PPIL3: variants seen among roughly 807,000 people sequenced by gnomAD.
PPIL3 encodes peptidyl-prolyl cis-trans isomerase-like 3.
PPIL3 carries 13 observed loss-of-function variants against 20.9 expected under a neutral mutation model. That is an observed-to-expected ratio of 0.62 (90% CI 0.40 to 0.99). The LOEUF is 0.99. Among genes scored for constraint, PPIL3 ranks in the 50% least tolerant of loss-of-function variants. PPIL3 has a pLI of 0.00. For missense variants in PPIL3, 170 were observed against 195.2 expected, an observed-to-expected ratio of 0.87 and a Z score of 0.77; for synonymous variants, 71 against 64.4, an observed-to-expected ratio of 1.10 and a Z score of -0.49.
intron 6 of PPIL3, among the ~76,000 whole-genome samples, chr2:200,876,561 A>G (rs2105764183): frequency 7.1e-6 from 1 of 140,596 alleles, no homozygotes; most frequent in South Asian, 2.2e-4. Flanking sequence ...TCTGTCGCCC[A>G]GGCTGGAGTG....
In PPIL3 at chr2:200,882,343, T is replaced by G. The variant is rs752949541; in HGVS notation, c.171A>C (p.Thr57=). The G allele has an allele frequency of 5.1e-6, 8 of 1,566,718 alleles. No homozygotes were observed. The highest frequency in any genetic ancestry group is 1.1e-5 in the South Asian group (1 of 90,086). Reference sequence around the variant, plus strand: ...ATCTTGGTTAATGGAATAACTTACCTGTTGGATCTCCTGTTTGAACCATGA... The same window carrying G: ...ATCTTGGTTAATGGAATAACTTACCGGTTGGATCTCCTGTTTGAACCATGA... ...KGFMVQTGDP[T]GTGRGGNSIW... Residue 57 remains threonine, a splice_region_variant and synonymous_variant, in exon 4 of 7, where the codon ACA becomes ACC. Coordinates refer to ENST00000392283, the MANE Select transcript of PPIL3 (RefSeq NM_130906.3).
At chr2:200,888,334 CAATCCTACACAG>C (rs1385905790) in intron 1 of PPIL3, 2 of 152,150 alleles carry the variant, frequency 1.3e-5, no homozygotes, top group Non-Finnish European at 2.9e-5. Context: ...ACTGACCTGA[CAATCCTACACAG>C]AACTGCTTTA....
intron 5 of PPIL3, among the ~76,000 whole-genome samples, chr2:200,877,300 A>G (rs1283131143): frequency 6.6e-6 from 1 of 152,208 alleles, no homozygotes; most frequent in Non-Finnish European, 1.5e-5. Context: ...TAAGGGAGCA[A>G]GAAAACATTT....
Position 200,874,005 on chromosome 2 carries a change from A to G in PPIL3, c.360-2484T>C, listed in dbSNP as rs189716934. Among the ~76,000 whole-genome samples the G allele has an allele frequency of 6.6e-3, 997 of 151,464 alleles. 4 individuals carry two copies. The highest frequency in any genetic ancestry group is 8.7e-3 in the Non-Finnish European group (587 of 67,778). On this transcript the variant is annotated intron_variant, in intron 6 of 6. Transcript: ENST00000392283. ...CGGATCACGAGGTCGGGAGATTGAG[A>G]CCATCCTGGCTAACATGGTGAAACC...
In PPIL3 at chr2:200,876,848, T is replaced by C. The variant is rs62189333; in HGVS notation, c.359+71A>G. ...TCACTCTTTTCAATATTAGTTATGC[T>C]ACTGTCACAGCTAAGCATATGCACC... On this transcript the variant is annotated intron_variant, in intron 6 of 6. Coordinates refer to ENST00000392283, the MANE Select transcript of PPIL3 (RefSeq NM_130906.3). The C allele has an allele frequency of 0.018, 20,692 of 1,128,052 alleles. 1,989 individuals carry two copies. The East Asian group carries it at 0.25, about 14-fold the overall frequency. The allele number at this position is 1,128,052 out of a possible 1,614,324, so 69.9% of individuals were successfully genotyped here.
intron 3 of PPIL3, among the ~76,000 whole-genome samples, chr2:200,882,778 C>T (rs954261928): frequency 2.6e-5 from 4 of 151,642 alleles, no homozygotes; most frequent in East Asian, 1.9e-4. Context: ...TGGTGGCAGG[C>T]GCCTCCAACT....
chr2:200,877,064 C>CTT, intron 5 of PPIL3, 27 bp from the exon 6 acceptor site: 1 of 1,428,922 alleles, frequency 7.0e-7, no homozygotes, highest in Non-Finnish European at 9.9e-7. Flanking sequence ...AAAGTATTAA[C>CTT]TGTGTTTTTA....
At chr2:200,875,544 G>A (rs755090354) in intron 6 of PPIL3, among the ~76,000 whole-genome samples, 3 of 151,948 alleles carry the variant, frequency 2.0e-5, no homozygotes, top group Non-Finnish European at 2.9e-5. Context: ...GGGATTACAG[G>A]TGTGAGCCAC....
rs767315819 is a variant in PPIL3 at position 200,887,647 on chromosome 2, G to A, written c.-32C>T. The A allele has an allele frequency of 5.7e-6, 9 of 1,591,332 alleles. No individual in the cohort carries two copies. Among genetic ancestry groups the A allele is most frequent in the African/African-American group, 5.4e-5 (4 of 74,256 alleles). The stretch of plus-strand genomic sequence containing the variant: ...TCTTAGTGGTTTCAGGAAGGACTAC[G>A]TGATTTCTCAGTCTTACAGCGAGCT... On this transcript the variant is annotated 5_prime_UTR_variant, in exon 2 of 7. It adds an upstream start codon to the 5' untranslated region. Transcript: ENST00000392283.
chr2:200,887,897 A>T (rs1164270103), intron 1 of PPIL3, among the ~76,000 whole-genome samples: 1 of 151,900 alleles, frequency 6.6e-6, no homozygotes, highest in African/African-American at 2.4e-5. Flanking sequence ...TCTCTACTAA[A>T]AACACAAAAA....
rs184651387 is a variant in PPIL3 at position 200,878,478 on chromosome 2, C to G, written c.241-1441G>C. Among the ~76,000 whole-genome samples the G allele has an allele frequency of 1.6e-3, 246 of 151,570 alleles. 6 individuals carry two copies. The highest frequency in any genetic ancestry group is 0.014 in the Admixed American group (208 of 15,160). On this transcript the variant is annotated intron_variant, in intron 5 of 6. Coordinates refer to ENST00000392283, the MANE Select transcript of PPIL3 (RefSeq NM_130906.3). ...AATCATAGCTCACTGTAGCCTTGAC[C>G]TCCTAGGCTTGAGCAATCCTTCCAC...
At chr2:200,872,286 CAAAG>C (rs1431557661) in intron 6 of PPIL3, among the ~76,000 whole-genome samples, 2 of 152,004 alleles carry the variant, frequency 1.3e-5, no homozygotes, top group Non-Finnish European at 2.9e-5. Context: ...ATGCATAGGG[CAAAG>C]TCTGAGAGAG....
Position 200,877,046 on chromosome 2 carries a change from G to C in PPIL3, c.241-9C>G. 3 of 1,527,500 alleles carry C rather than the reference G, an allele frequency of 2.0e-6. No homozygotes were observed. Among genetic ancestry groups the C allele is most frequent in the Non-Finnish European group, 2.7e-6 (3 of 1,101,360 alleles). The allele number at this position is 1,527,500 out of a possible 1,614,324, so 94.6% of individuals were successfully genotyped here. A position where few individuals can be genotyped will look rare whatever the true frequency, so the allele number is the denominator to read the frequency against. Reference sequence around the variant, plus strand: ...ACACCTCTAACATTGTGCTGAAAAAGACACATCAAAGTATTAACTGTGTTT... The same window carrying C: ...ACACCTCTAACATTGTGCTGAAAAACACACATCAAAGTATTAACTGTGTTT... On this transcript the variant is annotated splice_polypyrimidine_tract_variant and intron_variant, in intron 5 of 6. Transcript: ENST00000392283.
At chr2:200,887,031 C>G (rs1033340232) in intron 2 of PPIL3, 1 of 152,288 alleles carries the variant, frequency 6.6e-6, no homozygotes. Context: ...CTATTCTCTT[C>G]TGCTCCTTCA....
intron 4 of PPIL3, 98 bp downstream of exon 4, chr2:200,882,244 A>G (rs553175128): frequency 1.2e-6 from 1 of 860,690 alleles, no homozygotes; most frequent in East Asian, 2.4e-5. Context: ...ACAAAACAAA[A>G]CAAAACAAAA....
intron 5 of PPIL3, among the ~76,000 whole-genome samples, 171 bp from the exon 6 acceptor site, chr2:200,877,208 G>C (rs529362013): frequency 3.2e-4 from 49 of 152,182 alleles, no homozygotes; most frequent in African/African-American, 1.2e-3. Context: ...TGATCCTCCT[G>C]CCTTAGCTTC....
intron 6 of PPIL3, among the ~76,000 whole-genome samples, chr2:200,875,929 G>A (rs1461111209): frequency 6.6e-6 from 1 of 152,018 alleles, no homozygotes; most frequent in East Asian, 1.9e-4. Flanking sequence ...TTTCCTCCCT[G>A]ATACACAGAA....
chr2:200,877,097 T>C (rs1452149440), intron 5 of PPIL3, 60 bp from the exon 6 acceptor site: 4 of 1,115,090 alleles, frequency 3.6e-6, no homozygotes, highest in South Asian at 1.3e-5. Flanking sequence ...AAATATAGTA[T>C]TGAAACAAGA....
chr2:200,879,332 C>G (rs535018743), intron 5 of PPIL3, among the ~76,000 whole-genome samples: 10 of 152,092 alleles, frequency 6.6e-5, no homozygotes, highest in East Asian at 5.8e-4. Context: ...TGTTAGCCAG[C>G]ATGGTCTTGA....
Sources: allele counts gnomAD v4.1 joint callset (sites outside exome capture counted in the v4.1 genomes callset), GRCh38; gene constraint gnomAD v4.1.1; transcripts MANE v1.5; gene names NCBI Gene and HGNC (gene_info 2026-07-23, HGNC 2026-07-21).